The following C18orf63 variants were observed in gnomAD, a reference collection of about 807,000 sequenced individuals.
C18orf63 encodes the protein chromosome 18 open reading frame 63, also known as uncharacterized protein C18orf63.
A neutral mutation model predicts 75.3 loss-of-function variants in C18orf63; 50 were observed. That is an observed-to-expected ratio of 0.66 (90% CI 0.53 to 0.84). The LOEUF (loss-of-function observed/expected upper bound fraction) is 0.84. C18orf63 is among the 40% of genes least tolerant of loss of function. The pLI, the probability that C18orf63 is intolerant of heterozygous loss-of-function variation, is 0.00. For missense variants in C18orf63, 732 were observed against 800.2 expected, an observed-to-expected ratio of 0.91 and a Z score of 1.03; for synonymous variants, 232 against 267.6, an observed-to-expected ratio of 0.87 and a Z score of 1.30.
chr18:74,329,195 C>T (rs757409238), intron 6 of C18orf63, among the ~76,000 whole-genome samples, 159 bp downstream of exon 6: 6 of 151,962 alleles, frequency 3.9e-5, no homozygotes, highest in Non-Finnish European at 7.4e-5. Flanking sequence ...TCAAGACCAG[C>T]CTGGGCAACA....
Position 74,342,035 on chromosome 18 carries a change from GA to G in C18orf63, c.619del (p.Met207TrpfsTer5). 6.7e-7 allele frequency: 1 copy of G among 1,488,924 alleles called. No homozygotes were observed. Among genetic ancestry groups the G allele is most frequent in the Non-Finnish European group, 9.0e-7 (1 of 1,107,004 alleles). 92.2% of individuals were successfully genotyped at this position (1,488,924 alleles called of 1,614,324 possible). A position where few individuals can be genotyped will look rare whatever the true frequency, so the allele number is the denominator to read the frequency against. ...SNWCYVLPSM[K>X]MGQIINIFHA... The stretch of plus-strand genomic sequence containing the variant: ...AGCTTCCTCTCATTTTTCATAGTAT[GA>G]AAATGGGACAAATTATAAATATTTT... On this transcript the variant is annotated frameshift_variant, in exon 9 of 14. Transcript: ENST00000579455. LOFTEE classifies it high-confidence loss of function.
At chr18:74,336,835 A>C in intron 7 of C18orf63, among the ~76,000 whole-genome samples, 1 of 152,052 alleles carries the variant, frequency 6.6e-6, no homozygotes. Context: ...ACCTACCTAA[A>C]TACTTCAGAG....
Position 74,353,712 on chromosome 18 carries a change from A to C in C18orf63, c.1445A>C (p.Asn482Thr). The C allele has an allele frequency of 6.5e-7, 1 of 1,536,074 alleles. No individual in the cohort carries two copies. The highest frequency in any genetic ancestry group is 8.7e-7 in the Non-Finnish European group (1 of 1,146,826). ...KTSMIQHDKL[N>T]LGPAIKNRYS... is the part of the protein sequence containing the mutation. ...AGTATGATCCAGCATGACAAACTGA[A>C]TTTAGGTCCAGCTATAAAAAACCGT... Residue 482 changes from asparagine (N) to threonine (T), a missense_variant, in exon 12 of 14, where the codon AAT becomes ACT. Physicochemically the swap from Asn to Thr is moderately conservative, Grantham distance 65. Coordinates refer to ENST00000579455, the MANE Select transcript of C18orf63 (RefSeq NM_001174123.2).
chr18:74,342,192 T>C, intron 9 of C18orf63, 49 bp from the exon 10 acceptor site: 1 of 1,436,850 alleles, frequency 7.0e-7, no homozygotes, highest in Non-Finnish European at 9.5e-7. Context: ...TAACTTAACC[T>C]AAGTTTAGCT....
intron 5 of C18orf63, among the ~76,000 whole-genome samples, chr18:74,328,477 G>T (rs1984246415): frequency 6.6e-6 from 1 of 152,106 alleles, no homozygotes; most frequent in Non-Finnish European, 1.5e-5. Context: ...ATATGAATGT[G>T]CATCTGTTCT....
chr18:74,335,771 A>G (rs1984381650), intron 7 of C18orf63, among the ~76,000 whole-genome samples: 1 of 152,094 alleles, frequency 6.6e-6, no homozygotes, highest in Non-Finnish European at 1.5e-5. Context: ...TTTTCCTCCC[A>G]GAATGTTTTA....
At chr18:74,348,753 G>A (rs1984616181) in intron 11 of C18orf63, among the ~76,000 whole-genome samples, 1 of 152,068 alleles carries the variant, frequency 6.6e-6, no homozygotes, top group South Asian at 2.1e-4. Context: ...TTTAAGTTCT[G>A]TGAATTATTT....
chr18:74,316,880 A>T lies in C18orf63; in HGVS notation c.-33+771A>T, dbSNP rs1012914195. 3.3e-5 allele frequency among the ~76,000 whole-genome samples: 5 copies of T among 152,358 alleles called. No individual in the cohort carries two copies. In the South Asian group the frequency reaches 1.0e-3, roughly 32 times the overall value. On this transcript the variant is annotated intron_variant, in intron 1 of 13. Transcript: ENST00000579455. ...AATAAATTCATGCTTATCCCTGAAC[A>T]GATCACTCTTGTTTACATACAGTGT...
At position 74,353,263 on chromosome 18, in the gene C18orf63, AC is replaced by A. The variant is rs1175124851; in HGVS notation, c.999del (p.Asn334IlefsTer2). On this transcript the variant is annotated frameshift_variant, in exon 12 of 14. Coordinates refer to ENST00000579455, the MANE Select transcript of C18orf63 (RefSeq NM_001174123.2). LOFTEE classifies it high-confidence loss of function. Reference sequence around the variant, plus strand: ...CTTTTCAGGAACACAAAGTCAAGCCACCCAATTTGACCACTAAAAAAATGCT... The same window carrying A: ...CTTTTCAGGAACACAAAGTCAAGCCACCAATTTGACCACTAAAAAAATGCT... ...PNIQEHKVKP[P>X]NLTTKKMLRA... is the part of the protein sequence containing the mutation. 3 of 1,534,676 alleles carry A rather than the reference AC, an allele frequency of 2.0e-6. No homozygotes were observed. The highest frequency in any genetic ancestry group is 2.6e-6 in the Non-Finnish European group (3 of 1,145,692).
At chr18:74,326,093 G>A (rs920593338) in intron 4 of C18orf63, among the ~76,000 whole-genome samples, 3 of 152,192 alleles carry the variant, frequency 2.0e-5, no homozygotes, top group African/African-American at 7.2e-5. Context: ...TTGTACAGCT[G>A]TTTGGGTCTG....
chr18:74,335,635 C>T (rs187712688), intron 7 of C18orf63, among the ~76,000 whole-genome samples: 377 of 152,132 alleles, frequency 2.5e-3, no homozygotes, highest in South Asian at 4.8e-3. Flanking sequence ...AAACTGTTTG[C>T]TTTGAAATTT....
chr18:74,355,678 G>A (rs1984752835), intron 13 of C18orf63, among the ~76,000 whole-genome samples: 1 of 152,044 alleles, frequency 6.6e-6, no homozygotes, highest in African/African-American at 2.4e-5. Flanking sequence ...CCAGCATTTT[G>A]GGAGGCTGAG....
intron 11 of C18orf63, among the ~76,000 whole-genome samples, chr18:74,350,375 A>G (rs1229585497): frequency 2.0e-5 from 3 of 152,154 alleles, no homozygotes; most frequent in Non-Finnish European, 2.9e-5. Flanking sequence ...ACATAGGGTC[A>G]CTGCAGATAT....
At chr18:74,328,396 G>C (rs148552351) in intron 5 of C18orf63, among the ~76,000 whole-genome samples, 19 of 152,094 alleles carry the variant, frequency 1.2e-4, no homozygotes, top group African/African-American at 3.9e-4. Flanking sequence ...ATCTCCCACC[G>C]GGTCCTTCCC....
rs183368652 is a variant in C18orf63, at chr18:74,358,036, T to G, written c.*1589T>G. On this transcript the variant is annotated 3_prime_UTR_variant, in exon 14 of 14. Transcript: ENST00000579455. The stretch of plus-strand genomic sequence containing the variant: ...CAGCCTTCCCCACTGTTCCATACAT[T>G]CCCAGGCCACCTTCCTGCTACTGCC... 1 of 152,296 alleles carries G rather than the reference T, an allele frequency of 6.6e-6. No homozygotes were observed. 9.4% of individuals were successfully genotyped at this position (152,296 alleles called of 1,614,324 possible). A position where few individuals can be genotyped will look rare whatever the true frequency, so the allele number is the denominator to read the frequency against.
In C18orf63 at chr18:74,330,872, A is replaced by G. The variant is rs1469694403; in HGVS notation, c.431A>G (p.Asn144Ser). 8 of 1,351,360 alleles carry G rather than the reference A, an allele frequency of 5.9e-6. No individual in the cohort carries two copies. Among genetic ancestry groups the G allele is most frequent in the African/African-American group, 3.0e-5 (2 of 67,760 alleles). The allele number at this position is 1,351,360 out of a possible 1,614,324, so 83.7% of individuals were successfully genotyped here. A position where few individuals can be genotyped will look rare whatever the true frequency, so the allele number is the denominator to read the frequency against. ...TTAAATATTTTATTTTCAGTATTAA[A>G]CATCAATGTAACAGAAACTCAAGTT... ...QMGKQSAVVL[N>S]INVTETQVCL... is the part of the protein sequence containing the mutation. Residue 144 changes from asparagine (N) to serine (S), a missense_variant, in exon 7 of 14, where the codon AAC (asparagine) becomes AGC (serine). By Grantham distance (46) the Asn-to-Ser change is conservative (BLOSUM62 1). Transcript: ENST00000579455.
intron 4 of C18orf63, among the ~76,000 whole-genome samples, chr18:74,325,449 G>C (rs749529141): frequency 1.3e-5 from 2 of 152,108 alleles, no homozygotes; most frequent in Admixed American, 6.6e-5. Context: ...CCAGAATATA[G>C]TCTATCTTAG....
intron 4 of C18orf63, 150 bp downstream of exon 4, chr18:74,322,904 A>G: frequency 3.2e-6 from 1 of 312,936 alleles, no homozygotes; most frequent in East Asian, 4.7e-5. Flanking sequence ...TCTAACAATT[A>G]TTATGTGCAC....
intron 4 of C18orf63, among the ~76,000 whole-genome samples, chr18:74,326,618 G>C (rs1357274792): frequency 6.6e-6 from 1 of 152,176 alleles, no homozygotes; most frequent in Non-Finnish European, 1.5e-5. Flanking sequence ...CTGTACTGCA[G>C]CCTAGAAACC....
Sources: gnomAD v4.1 joint callset for allele counts (sites outside exome capture counted in the v4.1 genomes callset) on GRCh38, gnomAD v4.1.1 for gene constraint, MANE v1.5 for transcripts, NCBI Gene and HGNC (gene_info 2026-07-23, HGNC 2026-07-21) for gene names.